The following GRM7 variants were observed in gnomAD, a reference collection of about 807,000 sequenced individuals.
GRM7 encodes the protein glutamate metabotropic receptor 7, also known as metabotropic glutamate receptor 7.
GRM7 carries 35 observed loss-of-function variants against 84.5 expected under a neutral mutation model. The observed-to-expected ratio is 0.41, with a 90% CI of 0.32 to 0.55. The LOEUF (loss-of-function observed/expected upper bound fraction) is 0.55, where lower values mean the gene tolerates loss of function less well. Among genes scored for constraint, GRM7 ranks in the 20% least tolerant of loss-of-function variants. The pLI is 0.19. For synonymous variants in GRM7, 487 were observed against 455.1 expected, an observed-to-expected ratio of 1.07 and a Z score of -0.89; for missense variants, 1,003 against 1,194.6, an observed-to-expected ratio of 0.84 and a Z score of 2.36.
intron 2 of GRM7, among the ~76,000 whole-genome samples, chr3:7,235,137 A>C (rs1275436970): frequency 6.6e-6 from 1 of 152,188 alleles, no homozygotes; most frequent in African/African-American, 2.4e-5. Context: ...CATTAAACCT[A>C]TGTTACCTTA....
At chr3:7,531,449 G>C (rs1168584668) in intron 7 of GRM7, among the ~76,000 whole-genome samples, 2 of 152,126 alleles carry the variant, frequency 1.3e-5, no homozygotes, top group Non-Finnish European at 2.9e-5. Flanking sequence ...CATGAGCATG[G>C]AATGTTTTTC....
At chr3:7,354,156 C>T (rs892997315) in intron 4 of GRM7, among the ~76,000 whole-genome samples, 3 of 152,140 alleles carry the variant, frequency 2.0e-5, no homozygotes, top group Non-Finnish European at 2.9e-5. Flanking sequence ...CTCCTGCCAT[C>T]GTTCCTCAAA....
At chr3:7,047,980 T>C (rs183859125) in intron 1 of GRM7, among the ~76,000 whole-genome samples, 1 of 152,166 alleles carries the variant, frequency 6.6e-6, no homozygotes, top group East Asian at 1.9e-4. Flanking sequence ...GTATTGACAA[T>C]GTGAAGATTT....
chr3:7,109,427 C>T (rs1272524643), intron 1 of GRM7, among the ~76,000 whole-genome samples: 1 of 152,166 alleles, frequency 6.6e-6, no homozygotes, highest in Non-Finnish European at 1.5e-5. Flanking sequence ...TCCCTCCACC[C>T]TACCAATCCA....
At chr3:6,924,288 G>A (rs1299186929) in intron 1 of GRM7, among the ~76,000 whole-genome samples, 3 of 152,176 alleles carry the variant, frequency 2.0e-5, no homozygotes, top group Non-Finnish European at 4.4e-5. Context: ...ACTTCAAAGA[G>A]ATAGACAAAT....
intron 2 of GRM7, among the ~76,000 whole-genome samples, chr3:7,182,292 CATT>C (rs1695366019): frequency 1.3e-5 from 2 of 152,106 alleles, no homozygotes. Context: ...GCATTTCACT[CATT>C]AATATGCCAG....
intron 3 of GRM7, among the ~76,000 whole-genome samples, chr3:7,306,254 A>G (rs1432021091): frequency 6.6e-6 from 1 of 152,122 alleles, no homozygotes; most frequent in East Asian, 1.9e-4. Flanking sequence ...CTTATTGGAC[A>G]TTTGTATTTA....
intron 6 of GRM7, among the ~76,000 whole-genome samples, chr3:7,455,457 AGG>A (rs1349735470): frequency 6.6e-5 from 10 of 152,178 alleles, no homozygotes; most frequent in Admixed American, 2.0e-4. Context: ...GAGGTAATCA[AGG>A]TGGACATCAT....
At chr3:7,705,413 A>G (rs1239396191) in intron 9 of GRM7, among the ~76,000 whole-genome samples, 1 of 152,144 alleles carries the variant, frequency 6.6e-6, no homozygotes, top group Non-Finnish European at 1.5e-5. Flanking sequence ...GTCATTGTGA[A>G]AAGTGCAGGA....
chr3:7,089,624 T>C (rs996429919), intron 1 of GRM7, among the ~76,000 whole-genome samples: 8 of 152,140 alleles, frequency 5.3e-5, no homozygotes, highest in Non-Finnish European at 1.2e-4. Context: ...TATATAGACA[T>C]TCAGGAAAAA....
intron 1 of GRM7, among the ~76,000 whole-genome samples, chr3:7,055,509 GTA>G (rs1332649950): frequency 1.8e-4 from 26 of 143,132 alleles, no homozygotes; most frequent in African/African-American, 4.7e-4. Flanking sequence ...GTGTGTGTAT[GTA>G]TATATATATA....
At chr3:7,415,477 A>C (rs780731268) in intron 5 of GRM7, among the ~76,000 whole-genome samples, 1 of 152,102 alleles carries the variant, frequency 6.6e-6, no homozygotes, top group Non-Finnish European at 1.5e-5. Context: ...CACATAGACA[A>C]AATTCTCTGA....
intron 1 of GRM7, among the ~76,000 whole-genome samples, chr3:6,938,904 T>G (rs549789560): frequency 6.6e-6 from 1 of 152,356 alleles, no homozygotes; most frequent in South Asian, 2.1e-4. Flanking sequence ...TTCCTTCTTA[T>G]TATAAAATGC....
intron 8 of GRM7, among the ~76,000 whole-genome samples, chr3:7,634,793 CAAAAAAAAAAAAAGAAAAAGA>C (rs1698009989): frequency 7.3e-6 from 1 of 137,576 alleles, no homozygotes; most frequent in African/African-American, 2.7e-5. Flanking sequence ...GACTCTGTCT[CAAAAAAAAAAAAAGAAAAAGA>C]AAAAGAAAAA....
At chr3:7,604,527 A>G (rs1296473704) in intron 8 of GRM7, among the ~76,000 whole-genome samples, 1 of 152,186 alleles carries the variant, frequency 6.6e-6, no homozygotes, top group Non-Finnish European at 1.5e-5. Context: ...CCAGAAAATG[A>G]CATTCCATAC....
intron 1 of GRM7, among the ~76,000 whole-genome samples, chr3:7,045,563 G>A (rs753279115): frequency 6.6e-6 from 1 of 152,030 alleles, no homozygotes; most frequent in Non-Finnish European, 1.5e-5. Context: ...CCTCCGATAA[G>A]CACCATTTTA....
At chr3:7,128,006 T>C (rs1338182596) in intron 1 of GRM7, among the ~76,000 whole-genome samples, 3 of 152,006 alleles carry the variant, frequency 2.0e-5, no homozygotes, top group African/African-American at 7.2e-5. Flanking sequence ...ACACACACTA[T>C]AATTTTAGAG....
At chr3:7,656,254 C>T (rs1575599303) in intron 8 of GRM7, among the ~76,000 whole-genome samples, 1 of 152,114 alleles carries the variant, frequency 6.6e-6, no homozygotes, top group East Asian at 1.9e-4. Flanking sequence ...TTTGGGAGGC[C>T]AAGGCAGGTG....
At chr3:7,435,977 C>T (rs1697040337) in intron 5 of GRM7, among the ~76,000 whole-genome samples, 2 of 149,052 alleles carry the variant, frequency 1.3e-5, no homozygotes, top group Admixed American at 6.8e-5. Flanking sequence ...GCTGGGATTA[C>T]AGGCGTGAGC....
Sources: gnomAD v4.1 joint callset for allele counts (sites outside exome capture counted in the v4.1 genomes callset) on GRCh38, gnomAD v4.1.1 for gene constraint, MANE v1.5 for transcripts, NCBI Gene and HGNC (gene_info 2026-07-23, HGNC 2026-07-21) for gene names.